PDIA3: variants seen among roughly 807,000 people sequenced by gnomAD.
The protein encoded by PDIA3 is protein disulfide-isomerase A3.
Under a neutral mutation model 56.9 loss-of-function variants are expected in PDIA3, and 16 were observed. The observed-to-expected ratio is 0.28, with a 90% CI of 0.19 to 0.43. The LOEUF is 0.43. Ranked by LOEUF, PDIA3 falls within the 20% of genes least tolerant of loss-of-function variation. The pLI is 1.00. For missense variants in PDIA3, 485 were observed against 621.3 expected (o/e 0.78, Z 2.33); for synonymous variants, 192 against 216.5 (o/e 0.89, Z 0.99).
intron 3 of PDIA3, among the ~76,000 whole-genome samples, chr15:43,758,349 T>C (rs2086793164): frequency 1.3e-5 from 2 of 152,088 alleles, no homozygotes; most frequent in Non-Finnish European, 2.9e-5. Flanking sequence ...AAACACAGTA[T>C]GTTGGTTCCT....
intron 1 of PDIA3, chr15:43,751,840 C>T (rs574747386): frequency 1.2e-5 from 11 of 945,478 alleles, no homozygotes; most frequent in South Asian, 2.8e-5. Flanking sequence ...ACTGGCTTGA[C>T]CTAGTAACTA....
intron 8 of PDIA3, 105 bp from the exon 9 acceptor site, chr15:43,768,384 A>G (rs896873139): frequency 4.1e-6 from 3 of 724,628 alleles, no homozygotes; most frequent in Non-Finnish European, 7.2e-6. Flanking sequence ...CCCCTTTTTT[A>G]GCCTTGAAAA....
At position 43,766,714 on chromosome 15, in the gene PDIA3, C is replaced by T. The variant is rs752970393; in HGVS notation, c.846-14C>T. On this transcript the variant is annotated splice_polypyrimidine_tract_variant and intron_variant, in intron 7 of 12. Transcript: ENST00000300289. ...CTGTATAGTCTTGGCACAAATGTCT[C>T]TTGTTTCCCACAGGGTAATGATGGT... The T allele has an allele frequency of 6.2e-7, 1 of 1,612,856 alleles. No individual in the cohort carries two copies. The highest frequency in any genetic ancestry group is 8.5e-7 in the Non-Finnish European group (1 of 1,179,144).
intron 1 of PDIA3, among the ~76,000 whole-genome samples, chr15:43,747,495 TAAA>T (rs1023054313): frequency 1.3e-5 from 2 of 151,708 alleles, no homozygotes; most frequent in African/African-American, 2.4e-5. Context: ...TAACTCGAAA[TAAA>T]AAACTGTTGG....
intron 1 of PDIA3, among the ~76,000 whole-genome samples, chr15:43,749,091 G>T (rs1180879494): frequency 4.0e-5 from 6 of 150,062 alleles, no homozygotes; most frequent in Non-Finnish European, 5.9e-5. Context: ...TTTTTGTTTT[G>T]TTTTGTTTTG....
At chr15:43,748,036 G>C (rs1700006081) in intron 1 of PDIA3, among the ~76,000 whole-genome samples, 1 of 152,168 alleles carries the variant, frequency 6.6e-6, no homozygotes, top group African/African-American at 2.4e-5. Context: ...CATGCTGTTA[G>C]CTTTGAGGGG....
intron 1 of PDIA3, chr15:43,751,655 AC>A (rs1372743195): frequency 7.7e-7 from 1 of 1,304,022 alleles, no homozygotes; most frequent in African/African-American, 1.5e-5. Flanking sequence ...GGATTTGATG[AC>A]CTTATGGATA....
intron 4 of PDIA3, among the ~76,000 whole-genome samples, chr15:43,762,702 A>G (rs551997924): frequency 2.5e-4 from 38 of 152,278 alleles, no homozygotes; most frequent in Admixed American, 9.8e-4. Context: ...AAATATAGAG[A>G]AGGAAAAAAA....
intron 10 of PDIA3, 68 bp downstream of exon 10, chr15:43,769,714 A>T (rs2086869799): frequency 6.5e-7 from 1 of 1,536,846 alleles, no homozygotes; most frequent in South Asian, 1.2e-5. Context: ...TGTATTCAGC[A>T]TTGGCTAATT....
intron 4 of PDIA3, among the ~76,000 whole-genome samples, chr15:43,762,508 T>A (rs1261192790): frequency 3.5e-5 from 5 of 141,018 alleles, no homozygotes; most frequent in Non-Finnish European, 6.1e-5. Flanking sequence ...CAAAACTCTG[T>A]CGCAAAAAAA....
chr15:43,769,375 C>A, intron 9 of PDIA3, 143 bp from the exon 10 acceptor site: 1 of 694,200 alleles, frequency 1.4e-6, no homozygotes, highest in South Asian at 1.9e-5. Context: ...ATCTTTAATA[C>A]AATCTGTAAA....
chr15:43,765,019 G>T (rs1258675502), intron 5 of PDIA3, among the ~76,000 whole-genome samples: 1 of 152,138 alleles, frequency 6.6e-6, no homozygotes, highest in Non-Finnish European at 1.5e-5. Context: ...TGAATCTGTG[G>T]TACTAGAAAA....
intron 2 of PDIA3, among the ~76,000 whole-genome samples, chr15:43,755,482 G>A (rs1010125947): frequency 1.3e-5 from 2 of 152,194 alleles, no homozygotes; most frequent in African/African-American, 2.4e-5. Flanking sequence ...TTAAAGTAAT[G>A]CTTCCAGAAT....
Position 43,761,425 on chromosome 15 carries a change from TG to T in PDIA3, c.368del (p.Gly123GlufsTer6). The T allele has an allele frequency of 6.5e-7, 1 of 1,543,720 alleles. No homozygotes were observed. Among genetic ancestry groups the T allele is most frequent in the Non-Finnish European group, 8.9e-7 (1 of 1,124,924 alleles). ...ATAACTTTTATTTTGACTTCTAAGA[TG>T]GAATTGTCAGCCACTTGAAGAAGCA... Reference protein sequence around the residue: ...GAYDGPRTADGIVSHLKKQAG... With the variant: ...GAYDGPRTADXIVSHLKKQAG... On this transcript the variant is annotated frameshift_variant and splice_region_variant, in exon 4 of 13. Coordinates refer to ENST00000300289, the MANE Select transcript of PDIA3 (RefSeq NM_005313.5). LOFTEE classifies it high-confidence loss of function.
At chr15:43,767,460 C>T (rs1338632095) in intron 8 of PDIA3, among the ~76,000 whole-genome samples, 1 of 151,936 alleles carries the variant, frequency 6.6e-6, no homozygotes, top group Non-Finnish European at 1.5e-5. Context: ...GGAATTCTTA[C>T]ATGATTCCAC....
intron 1 of PDIA3, chr15:43,752,919 CGGTG>C (rs1322220899): frequency 2.1e-6 from 1 of 467,638 alleles, no homozygotes; most frequent in African/African-American, 2.0e-5. Context: ...GCAGAGGAGC[CGGTG>C]CTTCTGGTGG....
chr15:43,763,288 T>A (rs1382481596), intron 5 of PDIA3, 82 bp downstream of exon 5: 25 of 1,480,968 alleles, frequency 1.7e-5, no homozygotes, highest in Non-Finnish European at 2.3e-5. Context: ...GGTTTCACTC[T>A]GTCACCCAGG....
chr15:43,757,875 G>A (rs1003250659), intron 3 of PDIA3, among the ~76,000 whole-genome samples: 1 of 150,076 alleles, frequency 6.7e-6, no homozygotes. Context: ...ACACACAAAG[G>A]TATGTGTGTT....
chr15:43,769,024 CAAAA>C (rs539611070), intron 9 of PDIA3, among the ~76,000 whole-genome samples: 1 of 130,956 alleles, frequency 7.6e-6, no homozygotes, highest in South Asian at 2.4e-4. Context: ...AACTCCATCT[CAAAA>C]AAAAAAAAAG....
Sources: allele counts gnomAD v4.1 joint callset (sites outside exome capture counted in the v4.1 genomes callset), GRCh38; gene constraint gnomAD v4.1.1; transcripts MANE v1.5; gene names NCBI Gene and HGNC (gene_info 2026-07-23, HGNC 2026-07-21).